Variants in CC2D2A observed in about 807,000 individuals in gnomAD.
CC2D2A encodes coiled-coil and C2 domain containing 2A, also known as coiled-coil and C2 domain-containing protein 2A.
A neutral mutation model predicts 212.9 loss-of-function variants in CC2D2A; 155 were observed. The ratio of observed to expected loss-of-function variants is 0.73; its 90% CI spans 0.64 to 0.83. The LOEUF (loss-of-function observed/expected upper bound fraction) is 0.83. Among genes scored for constraint, CC2D2A ranks in the 40% least tolerant of loss-of-function variants. CC2D2A has a pLI of 0.00. For synonymous variants in CC2D2A, 667 were observed against 686.5 expected, an observed-to-expected ratio of 0.97 and a Z score of 0.44; for missense variants, 1,856 against 1,956.2, an observed-to-expected ratio of 0.95 and a Z score of 0.97.
At chr4:15,597,489 C>A in intron 35 of CC2D2A, 24 bp downstream of exon 35, 1 of 1,537,784 alleles carries the variant, frequency 6.5e-7, no homozygotes, top group Non-Finnish European at 8.8e-7. Flanking sequence ...CATAAATCCA[C>A]ATGTAATCTG....
intron 4 of CC2D2A, among the ~76,000 whole-genome samples, chr4:15,485,450 A>G (rs978791229): frequency 2.0e-5 from 3 of 152,204 alleles, no homozygotes; most frequent in Non-Finnish European, 4.4e-5. Context: ...AGGAGTTCAG[A>G]TATCTCTTTG....
intron 4 of CC2D2A, among the ~76,000 whole-genome samples, chr4:15,501,707 G>GATGGTA (rs1715962696): frequency 6.6e-6 from 1 of 152,136 alleles, no homozygotes; most frequent in African/African-American, 2.4e-5. Flanking sequence ...CTAGGTGTGT[G>GATGGTA]ATGGTAGAGC....
intron 29 of CC2D2A, 54 bp from the exon 30 acceptor site, chr4:15,579,914 G>C: frequency 7.1e-7 from 1 of 1,415,818 alleles, no homozygotes; most frequent in South Asian, 1.2e-5. Flanking sequence ...ATCTGAACAC[G>C]TACTTTCTCT....
At chr4:15,534,152 T>C (rs1430037591) in intron 14 of CC2D2A, among the ~76,000 whole-genome samples, 2 of 152,222 alleles carry the variant, frequency 1.3e-5, no homozygotes, top group Non-Finnish European at 2.9e-5. Context: ...AAGGCTTTGG[T>C]CACTTTTTGG....
chr4:15,579,782 C>T (rs1405332435), intron 29 of CC2D2A, among the ~76,000 whole-genome samples, 186 bp from the exon 30 acceptor site: 2 of 152,112 alleles, frequency 1.3e-5, no homozygotes, highest in Non-Finnish European at 2.9e-5. Flanking sequence ...TTTAATGAGT[C>T]GGTCTAATTT....
At position 15,567,454 on chromosome 4, in the gene CC2D2A, C is replaced by G; in HGVS notation, c.3260C>G (p.Thr1087Ser). Reference protein sequence around the residue: ...HAASPSTYSPTHNADYPLGQV... With the variant: ...HAASPSTYSPSHNADYPLGQV... Reference sequence around the variant, plus strand: ...GCTTCCCCAAGCACGTACAGCCCAACCCACAATGCTGACTACCCCCTCGGC... The same window carrying G: ...GCTTCCCCAAGCACGTACAGCCCAAGCCACAATGCTGACTACCCCCTCGGC... The change falls in exon 25 of 37, where the codon ACC becomes AGC. Residue 1087 changes from threonine to serine, a missense_variant. By Grantham distance (58) the Thr-to-Ser change is moderately conservative. This residue lies in a region of CC2D2A where 1,512 missense variants were observed against 1,579.3 expected (regional missense o/e 0.96). Coordinates refer to ENST00000424120, the MANE Select transcript of CC2D2A (RefSeq NM_001378615.1). 1 of 1,613,566 alleles carries G rather than the reference C, an allele frequency of 6.2e-7. No homozygotes were observed. The highest frequency in any genetic ancestry group is 8.5e-7 in the Non-Finnish European group (1 of 1,179,702).
intron 28 of CC2D2A, among the ~76,000 whole-genome samples, chr4:15,572,433 C>T (rs148674897): frequency 2.3e-3 from 357 of 152,104 alleles, no homozygotes; most frequent in African/African-American, 8.2e-3. Flanking sequence ...GACTTTATTA[C>T]TTCTGTCATT....
intron 12 of CC2D2A, among the ~76,000 whole-genome samples, chr4:15,528,035 C>T (rs1220414654): frequency 1.3e-5 from 2 of 152,192 alleles, no homozygotes; most frequent in Non-Finnish European, 2.9e-5. Context: ...ATTACCCCAT[C>T]GTGTAGCACT....
intron 26 of CC2D2A, among the ~76,000 whole-genome samples, chr4:15,568,384 C>G (rs1404325195): frequency 6.6e-6 from 1 of 152,156 alleles, no homozygotes; most frequent in African/African-American, 2.4e-5. Flanking sequence ...TAAGTCAGGC[C>G]GAGCATGGTG....
intron 8 of CC2D2A, 63 bp downstream of exon 8, chr4:15,511,486 C>A: frequency 7.2e-7 from 1 of 1,393,410 alleles, no homozygotes; most frequent in African/African-American, 1.5e-5. Flanking sequence ...AGCTGATGTC[C>A]CTGCAAGAAA....
At chr4:15,477,962 G>A (rs1714339628) in intron 2 of CC2D2A, among the ~76,000 whole-genome samples, 1 of 151,448 alleles carries the variant, frequency 6.6e-6, no homozygotes, top group Non-Finnish European at 1.5e-5. Context: ...CTAATTTTAG[G>A]AAAAAAAAAT....
chr4:15,573,302 C>T (rs1036152018), intron 28 of CC2D2A, among the ~76,000 whole-genome samples: 2 of 151,976 alleles, frequency 1.3e-5, no homozygotes, highest in African/African-American at 4.8e-5. Context: ...TTTTTGTTTT[C>T]GTTTTTGAGA....
chr4:15,546,232 T>C (rs1718705588), intron 17 of CC2D2A, among the ~76,000 whole-genome samples: 1 of 152,170 alleles, frequency 6.6e-6, no homozygotes, highest in African/African-American at 2.4e-5. Flanking sequence ...CTTTCCAAAA[T>C]AAATATGTAG....
chr4:15,499,871 T>A (rs1715823423), intron 4 of CC2D2A, among the ~76,000 whole-genome samples: 1 of 152,042 alleles, frequency 6.6e-6, no homozygotes, highest in African/African-American at 2.4e-5. Flanking sequence ...ATTCCACACA[T>A]GCTTAGTGAT....
chr4:15,591,976 A>T (rs1721126031), intron 33 of CC2D2A, among the ~76,000 whole-genome samples: 1 of 152,144 alleles, frequency 6.6e-6, no homozygotes, highest in Admixed American at 6.5e-5. Context: ...AGCTCTTCTA[A>T]ACCTGCTCTA....
intron 4 of CC2D2A, among the ~76,000 whole-genome samples, chr4:15,489,617 C>A (rs1715191922): frequency 6.6e-6 from 1 of 152,184 alleles, no homozygotes; most frequent in East Asian, 1.9e-4. Context: ...TTCTTTACAG[C>A]AAAATTCTTT....
At chr4:15,580,581 T>C (rs956949632) in intron 30 of CC2D2A, among the ~76,000 whole-genome samples, 2 of 138,546 alleles carry the variant, frequency 1.4e-5, no homozygotes, top group Admixed American at 1.7e-4. Flanking sequence ...GAGGTTTCAG[T>C]GAGCCAAAAT....
chr4:15,477,042 C>T (rs1714264313), intron 2 of CC2D2A, among the ~76,000 whole-genome samples: 2 of 152,188 alleles, frequency 1.3e-5, no homozygotes, highest in Admixed American at 1.3e-4. Context: ...GTGGCTCACG[C>T]CTGTAATCCC....
rs35332799 is a variant in CC2D2A, at chr4:15,522,508, G to GT, written c.1150-4927dup. Among the ~76,000 whole-genome samples, 658 of 143,738 alleles carry GT rather than the reference G, an allele frequency of 4.6e-3. 3 individuals are homozygous for GT. Among genetic ancestry groups the GT allele is most frequent in the African/African-American group, 0.012 (465 of 38,884 alleles). The allele number at this position is 143,738 out of a possible 152,430, so 94.3% of individuals were successfully genotyped here. On this transcript the variant is annotated intron_variant, in intron 11 of 36. Transcript: ENST00000424120. ...GGTATTCAGCCCTGCCTTTTTGAAT[G>GT]TTTTTTTTTTTTAATTACAGAGGGG... is the stretch of plus-strand genomic sequence containing the variant.
Sources: gnomAD v4.1 joint callset for allele counts (sites outside exome capture counted in the v4.1 genomes callset) on GRCh38, gnomAD v4.1.1 for gene constraint, gnomAD v4.1.1 regional missense constraint, MANE v1.5 for transcripts, NCBI Gene and HGNC (gene_info 2026-07-23, HGNC 2026-07-21) for gene names.